Variants in CHD2 observed in about 807,000 individuals in gnomAD.
The protein encoded by CHD2 is ATP-dependent chromatin remodeler CHD2.
In CHD2, 28 loss-of-function variants were observed where a neutral mutation model predicts 243.9. The ratio of observed to expected loss-of-function variants is 0.11; its 90% confidence interval spans 0.09 to 0.16. The LOEUF (loss-of-function observed/expected upper bound fraction) is 0.16. CHD2 is among the 10% of genes least tolerant of loss of function. The probability of loss-of-function intolerance (pLI) is 1.00; values close to 1 mark genes in which losing one functional copy is unlikely to be tolerated. For missense variants in CHD2, 1,386 were observed against 2,209.8 expected, an observed-to-expected ratio of 0.63 and a Z score of 7.47; for synonymous variants, 775 against 779.0, an observed-to-expected ratio of 0.99 and a Z score of 0.09.
chr15:92,980,812 C>A lies in CHD2; in HGVS notation c.2877-3C>A. The A allele has an allele frequency of 6.2e-7, 1 of 1,608,188 alleles. No homozygotes were observed. The highest frequency in any genetic ancestry group is 8.5e-7 in the Non-Finnish European group (1 of 1,176,022). On this transcript the variant is annotated splice_region_variant and splice_polypyrimidine_tract_variant and intron_variant, in intron 22 of 38. Coordinates refer to ENST00000394196, the MANE Select transcript of CHD2 (RefSeq NM_001271.4). ...TTCTAACAACTACATTTTACTTCCA[C>A]AGCTCAAATCCTTTTAATAAAGAAG...
chr15:92,954,861 T>C (rs551369194), intron 14 of CHD2, among the ~76,000 whole-genome samples: 1 of 152,340 alleles, frequency 6.6e-6, no homozygotes, highest in Non-Finnish European at 1.5e-5. Flanking sequence ...TCGTGCTTGC[T>C]GAGTGTCCAG....
At chr15:92,904,920 C>CA in intron 2 of CHD2, 2 of 1,535,816 alleles carry the variant, frequency 1.3e-6, no homozygotes, top group Non-Finnish European at 1.7e-6. Flanking sequence ...GGCTCATAAA[C>CA]AAAGGGAAGA....
chr15:92,969,467 C>T (rs1448738667), intron 17 of CHD2, among the ~76,000 whole-genome samples: 1 of 152,174 alleles, frequency 6.6e-6, no homozygotes, highest in East Asian at 1.9e-4. Context: ...TTCTGCAGTA[C>T]CCTCGAGTCC....
chr15:92,961,968 G>A (rs1335727376), intron 16 of CHD2, among the ~76,000 whole-genome samples: 17 of 131,402 alleles, frequency 1.3e-4, no homozygotes, highest in Admixed American at 1.9e-4. Flanking sequence ...TGCAACCTCC[G>A]CCTTCCAGTT....
At chr15:92,972,204 A>G in intron 18 of CHD2, 61 bp from the exon 19 acceptor site, 4 of 1,537,770 alleles carry the variant, frequency 2.6e-6, no homozygotes, top group African/African-American at 1.4e-5. Context: ...ATTTGTAGAG[A>G]TTAGGGAAGA....
At chr15:92,932,836 T>TCC in intron 5 of CHD2, among the ~76,000 whole-genome samples, 2 of 151,940 alleles carry the variant, frequency 1.3e-5, no homozygotes, top group East Asian at 3.9e-4. Flanking sequence ...CAGCTCACTG[T>TCC]GACTCAAGTG....
Position 93,024,920 on chromosome 15 carries a change from C to G in CHD2, c.*215C>G. 1 of 514,838 alleles carries G rather than the reference C, an allele frequency of 1.9e-6. No homozygotes were observed. The highest frequency in any genetic ancestry group is 3.4e-6 in the Non-Finnish European group (1 of 294,262). 31.9% of individuals were successfully genotyped at this position (514,838 alleles called of 1,614,324 possible). ...CACTCCTGCACTTTGGCACCCCATC[C>G]CATTCCAGCCTAGTTCTGGCCTCCC... On this transcript the variant is annotated 3_prime_UTR_variant, in exon 39 of 39. Transcript: ENST00000394196.
At chr15:92,986,757 T>C (rs1047010850) in intron 26 of CHD2, among the ~76,000 whole-genome samples, 8 of 152,176 alleles carry the variant, frequency 5.3e-5, no homozygotes, top group Non-Finnish European at 8.8e-5. Context: ...AGAATCTTGC[T>C]CTCTTGCACA....
At position 92,981,320 on chromosome 15, in the gene CHD2, T is replaced by G. The variant is rs762288175; in HGVS notation, c.2974-45T>G. On this transcript the variant is annotated intron_variant, in intron 23 of 38. Coordinates refer to ENST00000394196, the MANE Select transcript of CHD2 (RefSeq NM_001271.4). ...AATTTCTGGGCAACTAGGCAACTCATCTGTTGCCATTTTATTCTATTCGTG... is the reference window on the plus strand; with the variant it reads ...AATTTCTGGGCAACTAGGCAACTCAGCTGTTGCCATTTTATTCTATTCGTG... 3.5e-6 allele frequency: 5 copies of G among 1,421,920 alleles called. No individual in the cohort carries two copies. The East Asian group carries it at 1.2e-4, about 33-fold the overall frequency. 88.1% of individuals were successfully genotyped at this position (1,421,920 alleles called of 1,614,324 possible). A position where few individuals can be genotyped will look rare whatever the true frequency, so the allele number is the denominator to read the frequency against.
chr15:92,950,650 G>T (rs947841612), intron 13 of CHD2, among the ~76,000 whole-genome samples: 1 of 152,008 alleles, frequency 6.6e-6, no homozygotes. Context: ...GCTACTTGGG[G>T]GCTGAGGTGG....
At chr15:92,962,194 T>C (rs2053699656) in intron 16 of CHD2, among the ~76,000 whole-genome samples, 1 of 151,916 alleles carries the variant, frequency 6.6e-6, no homozygotes, top group Non-Finnish European at 1.5e-5. Flanking sequence ...TGTTTTTCTG[T>C]TTATTTCCAC....
rs1254069859 is a variant in CHD2 at position 92,997,113 on chromosome 15, A to G, written c.3734+18A>G. ...AAAAAAAAGTGAGTATATTTTGTGT[A>G]CATGCTTAGATGGTCGTACCGTAAG... On this transcript the variant is annotated intron_variant, in intron 29 of 38. Transcript: ENST00000394196. This position sits in a 1 kb window ranked among gnomAD's most constrained non-coding sequence, Gnocchi z 4.1. 1 of 1,606,992 alleles carries G rather than the reference A, an allele frequency of 6.2e-7. No homozygotes were observed. Among genetic ancestry groups the G allele is most frequent in the South Asian group, 1.1e-5 (1 of 89,312 alleles).
In CHD2 at chr15:92,997,200, C is replaced by A; in HGVS notation, c.3735-53C>A. ...AGTATTTTTACTGTCTCTTCTTTAA[C>A]ATACCAAAAAGGCCCCTCTTCTAAT... is the stretch of plus-strand genomic sequence containing the variant. On this transcript the variant is annotated intron_variant, in intron 29 of 38. Transcript: ENST00000394196. The surrounding 1 kb of genome is among the most constrained non-coding windows in gnomAD (Gnocchi z 4.1). 6.2e-7 allele frequency: 1 copy of A among 1,609,334 alleles called. No homozygotes were observed. The highest frequency in any genetic ancestry group is 8.5e-7 in the Non-Finnish European group (1 of 1,178,196).
At chr15:92,983,385 G>A (rs559179241) in intron 24 of CHD2, among the ~76,000 whole-genome samples, 3 of 152,286 alleles carry the variant, frequency 2.0e-5, no homozygotes, top group South Asian at 4.1e-4. Context: ...AACCACTAAC[G>A]TATGTGCATA....
At chr15:92,911,719 A>C (rs750811290) in intron 2 of CHD2, among the ~76,000 whole-genome samples, 15 of 152,188 alleles carry the variant, frequency 9.9e-5, no homozygotes, top group Non-Finnish European at 1.8e-4. Context: ...TGGGCAGCAG[A>C]GTGAGACTGT....
At chr15:92,907,255 A>G (rs2052640754) in intron 2 of CHD2, among the ~76,000 whole-genome samples, 1 of 152,256 alleles carries the variant, frequency 6.6e-6, no homozygotes, top group Admixed American at 6.5e-5. Context: ...TGTGGTAGCC[A>G]TTCATGCTAC....
intron 35 of CHD2, among the ~76,000 whole-genome samples, chr15:93,011,073 C>CTTTTTTT (rs935812783): frequency 6.9e-6 from 1 of 145,982 alleles, no homozygotes; most frequent in African/African-American, 2.5e-5. Flanking sequence ...GGCATCTGGC[C>CTTTTTTT]TTTTTTTTTT....
chr15:92,992,471 C>G (rs2054132435), intron 27 of CHD2, among the ~76,000 whole-genome samples: 1 of 152,164 alleles, frequency 6.6e-6, no homozygotes, highest in Non-Finnish European at 1.5e-5. Context: ...AGGAGCATTG[C>G]AGTGAATGAA....
At chr15:92,943,859 A>G (rs2053420725) in intron 9 of CHD2, 1 of 152,298 alleles carries the variant, frequency 6.6e-6, no homozygotes, top group South Asian at 2.1e-4. Flanking sequence ...AGTAAATTAC[A>G]TGTTTTTTCT....
Sources: allele counts gnomAD v4.1 joint callset (sites outside exome capture counted in the v4.1 genomes callset), GRCh38; gene constraint gnomAD v4.1.1; non-coding constraint Gnocchi (gnomAD v3.1); transcripts MANE v1.5; gene names NCBI Gene and HGNC (gene_info 2026-07-23, HGNC 2026-07-21).